Variants in HNRNPA2B1 observed in about 807,000 individuals in gnomAD.
HNRNPA2B1 encodes heterogeneous nuclear ribonucleoprotein A2/B1.
A neutral mutation model predicts 46.3 loss-of-function variants in HNRNPA2B1; 3 were observed. That is an observed-to-expected ratio of 0.06 (90% CI 0.03 to 0.17). The LOEUF (loss-of-function observed/expected upper bound fraction) is 0.17, where lower values mean the gene tolerates loss of function less well. HNRNPA2B1 is among the 10% of genes least tolerant of loss of function. The probability of loss-of-function intolerance (pLI) is 1.00; values close to 1 mark genes in which losing one functional copy is unlikely to be tolerated. For missense variants in HNRNPA2B1, 221 were observed against 418.9 expected (o/e 0.53, Z 4.12); for synonymous variants, 225 against 133.8 (o/e 1.68, Z -4.70).
rs752419171 is a variant in HNRNPA2B1, at chr7:26,197,020, A to G, written c.265-3T>C. ...TGAGCCCCTGGTTTTCCAGATTCCT[A>G]AAATAGTGGTGGGGTAAAAGTCATC... On this transcript the variant is annotated splice_polypyrimidine_tract_variant and splice_region_variant and intron_variant, in intron 3 of 10. Transcript: ENST00000618183. The G allele has an allele frequency of 3.7e-6, 6 of 1,607,800 alleles. No homozygotes were observed. The East Asian group carries it at 6.7e-5, about 18-fold the overall frequency.
At chr7:26,200,405 G>C (rs1275424597) in intron 1 of HNRNPA2B1, 167 bp downstream of exon 1, 2 of 738,980 alleles carry the variant, frequency 2.7e-6, no homozygotes, top group East Asian at 4.9e-5. Flanking sequence ...CTGTTTGTAC[G>C]CTCAGGCCTC....
intron 7 of HNRNPA2B1, among the ~76,000 whole-genome samples, chr7:26,195,092 CAAAAAA>C (rs11356411): frequency 1.9e-5 from 1 of 51,938 alleles, no homozygotes; most frequent in Non-Finnish European, 4.7e-5. Context: ...GGCTCCGTCT[CAAAAAA>C]AAAAAAAAAA....
At chr7:26,200,249 G>A (rs912400494) in intron 1 of HNRNPA2B1, 4 of 346,168 alleles carry the variant, frequency 1.2e-5, no homozygotes, top group Non-Finnish European at 2.2e-5. Context: ...CGTGGCCCCC[G>A]AAGCAGCGTG....
chr7:26,197,887 T>C (rs947209488), intron 1 of HNRNPA2B1, 155 bp from the exon 2 acceptor site: 4 of 1,571,104 alleles, frequency 2.5e-6, no homozygotes, highest in Non-Finnish European at 3.4e-6. Context: ...AAAAAAAACT[T>C]ACATCAAATT....
At chr7:26,197,582 A>AT (rs1783791455) in intron 2 of HNRNPA2B1, 40 bp downstream of exon 2, 1 of 1,570,684 alleles carries the variant, frequency 6.4e-7, no homozygotes, top group African/African-American at 1.4e-5. Context: ...ACATACAGCT[A>AT]AAAGACTAAT....
chr7:26,191,697 A>G lies in HNRNPA2B1; in HGVS notation c.*663T>C, dbSNP rs188388055. On this transcript the variant is annotated 3_prime_UTR_variant, in exon 11 of 11. Coordinates refer to ENST00000618183, the MANE Select transcript of HNRNPA2B1 (RefSeq NM_002137.4). Reference sequence around the variant, plus strand: ...CAGAGATATCCCTTAAGTTATCTACATAATTTAATCCTGATGAATTGCAGA... The same window carrying G: ...CAGAGATATCCCTTAAGTTATCTACGTAATTTAATCCTGATGAATTGCAGA... 2.6e-5 allele frequency: 4 copies of G among 152,392 alleles called. No homozygotes were observed. The highest frequency in any genetic ancestry group is 9.6e-5 in the African/African-American group (4 of 41,588). 9.4% of individuals were successfully genotyped at this position (152,392 alleles called of 1,614,324 possible). A position where few individuals can be genotyped will look rare whatever the true frequency, so the allele number is the denominator to read the frequency against.
chr7:26,195,211 T>C (rs541924292), intron 7 of HNRNPA2B1, among the ~76,000 whole-genome samples: 3 of 150,902 alleles, frequency 2.0e-5, no homozygotes, highest in South Asian at 4.2e-4. Context: ...TTATAAAAAG[T>C]AGAACAGTGA....
chr7:26,200,695 G>A lies in HNRNPA2B1; in HGVS notation c.-118C>T, dbSNP rs531336951. ...TGTAGTGAGAACTGCCGCTGCTCGA[G>A]AAACAACTCTGCGAGGAGCACCTCC... On this transcript the variant is annotated 5_prime_UTR_variant, in exon 1 of 11. Coordinates refer to ENST00000618183, the MANE Select transcript of HNRNPA2B1 (RefSeq NM_002137.4). 1,058 of 1,304,182 alleles carry A rather than the reference G, an allele frequency of 8.1e-4. 2 individuals carry two copies. The highest frequency in any genetic ancestry group is 4.5e-4 in the African/African-American group (31 of 69,226). The allele number at this position is 1,304,182 out of a possible 1,614,324, so 80.8% of individuals were successfully genotyped here.
chr7:26,197,598 G>T (rs780534356), intron 2 of HNRNPA2B1, 24 bp downstream of exon 2: 1 of 1,582,040 alleles, frequency 6.3e-7, no homozygotes, highest in South Asian at 1.1e-5. Flanking sequence ...CTAATATCCA[G>T]TAACAATTCA....
In HNRNPA2B1 at chr7:26,196,322, T is replaced by G. The variant is rs1783631697; in HGVS notation, c.658+79A>C. ...GAAAATTGACTTAGGTTGGATTTCTTGATTCTACTAATGAAAACCTAATCA... is the reference window on the plus strand; with the variant it reads ...GAAAATTGACTTAGGTTGGATTTCTGGATTCTACTAATGAAAACCTAATCA... On this transcript the variant is annotated intron_variant, in intron 6 of 10. Coordinates refer to ENST00000618183, the MANE Select transcript of HNRNPA2B1 (RefSeq NM_002137.4). 3.4e-6 allele frequency: 4 copies of G among 1,181,840 alleles called. No homozygotes were observed. In the Admixed American group the frequency reaches 7.0e-5, roughly 21 times the overall value. 73.2% of individuals were successfully genotyped at this position (1,181,840 alleles called of 1,614,324 possible). A position where few individuals can be genotyped will look rare whatever the true frequency, so the allele number is the denominator to read the frequency against.
At position 26,191,814 on chromosome 7, in the gene HNRNPA2B1, A is replaced by C. The variant is rs1298640116; in HGVS notation, c.*546T>G. The C allele has an allele frequency of 6.6e-6, 1 of 152,634 alleles. No individual in the cohort carries two copies. Among genetic ancestry groups the C allele is most frequent in the Non-Finnish European group, 1.5e-5 (1 of 68,028 alleles). The allele number at this position is 152,634 out of a possible 1,614,324, so 9.5% of individuals were successfully genotyped here. ...AATTATACTACCCACTCCTTAACTT[A>C]TTTAAAATAAAAAGTCTATAATTAC... On this transcript the variant is annotated 3_prime_UTR_variant, in exon 11 of 11. Coordinates refer to ENST00000618183, the MANE Select transcript of HNRNPA2B1 (RefSeq NM_002137.4).
intron 1 of HNRNPA2B1, chr7:26,199,587 G>A (rs937974953): frequency 1.3e-5 from 2 of 152,028 alleles, no homozygotes; most frequent in African/African-American, 4.8e-5. Context: ...CAACTTAAAC[G>A]GAATCCTTAA....
At chr7:26,199,102 G>A (rs1224083051) in intron 1 of HNRNPA2B1, 1 of 152,298 alleles carries the variant, frequency 6.6e-6, no homozygotes, top group Non-Finnish European at 1.5e-5. Flanking sequence ...TCAGCACATA[G>A]GTTATCTCTA....
chr7:26,193,656 T>C lies in HNRNPA2B1; in HGVS notation c.760A>G (p.Arg254Gly). 1.9e-6 allele frequency: 3 copies of C among 1,612,846 alleles called. No homozygotes were observed. The highest frequency in any genetic ancestry group is 2.5e-6 in the Non-Finnish European group (3 of 1,179,374). ...GGTCCTCCACCACCATATCCTCCTC[T>C]TCCTCCTCCATAACCGGGGCTACCT... is the stretch of plus-strand genomic sequence containing the variant. ...FGGSPGYGGGRGGYGGGGPGY... is the reference protein window; with the variant it reads ...FGGSPGYGGGGGGYGGGGPGY... Residue 254 changes from arginine to glycine, a missense_variant, in exon 8 of 11, where the codon AGA becomes GGA. Around this residue, in one of 2 missense-constraint regions of HNRNPA2B1, gnomAD observed 143 missense variants for 200.5 expected, o/e 0.71. Transcript: ENST00000618183.
At chr7:26,197,143 T>C (rs1783734319) in intron 3 of HNRNPA2B1, 126 bp from the exon 4 acceptor site, 3 of 1,108,220 alleles carry the variant, frequency 2.7e-6, no homozygotes, top group Admixed American at 2.3e-5. Flanking sequence ...AAATAGCTTT[T>C]AGGGACCTAG....
chr7:26,194,190 A>T (rs1339450710), intron 7 of HNRNPA2B1, among the ~76,000 whole-genome samples: 7 of 152,206 alleles, frequency 4.6e-5, no homozygotes, highest in African/African-American at 1.4e-4. Flanking sequence ...AGGTCAAGAG[A>T]TTGAGACCAC....
intron 1 of HNRNPA2B1, chr7:26,198,592 G>C (rs935563786): frequency 6.6e-6 from 1 of 152,240 alleles, no homozygotes; most frequent in Admixed American, 6.5e-5. Context: ...CATGTGGCAA[G>C]CGACAGGCAC....
intron 4 of HNRNPA2B1, 32 bp from the exon 5 acceptor site, chr7:26,196,690 TAAATC>T: frequency 1.3e-6 from 2 of 1,586,480 alleles, no homozygotes; most frequent in Non-Finnish European, 8.6e-7. Context: ...CCTTTTAAAT[TAAATC>T]AACAATATTA....
At chr7:26,194,682 G>A (rs10261965) in intron 7 of HNRNPA2B1, among the ~76,000 whole-genome samples, 2,885 of 151,454 alleles carry the variant, frequency 0.019, 43 homozygotes, top group Non-Finnish European at 0.031. Context: ...AACAAAGCCA[G>A]ACCCCATTTC....
Sources: allele counts gnomAD v4.1 joint callset (sites outside exome capture counted in the v4.1 genomes callset), GRCh38; gene constraint gnomAD v4.1.1; regional missense constraint gnomAD v4.1.1; transcripts MANE v1.5; gene names NCBI Gene and HGNC (gene_info 2026-07-23, HGNC 2026-07-21).